ADAMTS3: variants seen among roughly 807,000 people sequenced by gnomAD.
The protein encoded by ADAMTS3 is ADAM metallopeptidase with thrombospondin type 1 motif 3, also known as A disintegrin and metalloproteinase with thrombospondin motifs 3.
Under a neutral mutation model 129.0 loss-of-function variants are expected in ADAMTS3, and 73 were observed. That is an observed-to-expected ratio of 0.57 (90% confidence interval 0.47 to 0.69). The LOEUF (loss-of-function observed/expected upper bound fraction) is 0.69, where lower values mean the gene tolerates loss of function less well. Ranked by LOEUF, ADAMTS3 falls within the 30% of genes least tolerant of loss-of-function variation. The pLI, the probability that ADAMTS3 is intolerant of heterozygous loss-of-function variation, is 0.00. For synonymous variants in ADAMTS3, 477 were observed against 510.8 expected, an observed-to-expected ratio of 0.93 and a Z score of 0.89; for missense variants, 1,457 against 1,514.5, an observed-to-expected ratio of 0.96 and a Z score of 0.63.
chr4:72,321,177 T>G (rs1719544775), intron 6 of ADAMTS3, among the ~76,000 whole-genome samples: 1 of 152,004 alleles, frequency 6.6e-6, no homozygotes, highest in Non-Finnish European at 1.5e-5. Context: ...ATGAGAATGG[T>G]TTTGTTTTGT....
At chr4:72,533,673 A>ATATGTATATATACATATATATT (rs1164175826) in intron 3 of ADAMTS3, among the ~76,000 whole-genome samples, 27 of 151,346 alleles carry the variant, frequency 1.8e-4, no homozygotes, top group South Asian at 2.1e-4. Flanking sequence ...GTATATGCAC[A>ATATGTATATATACATATATATT]TATATGCACA....
chr4:72,476,133 A>T (rs1719225361), intron 3 of ADAMTS3, among the ~76,000 whole-genome samples: 1 of 152,006 alleles, frequency 6.6e-6, no homozygotes, highest in Non-Finnish European at 1.5e-5. Flanking sequence ...TAAAGAGCTA[A>T]AATCAATAAA....
intron 3 of ADAMTS3, chr4:72,441,586 T>G (rs1040694937): frequency 6.6e-6 from 1 of 151,792 alleles, no homozygotes; most frequent in Non-Finnish European, 1.5e-5. Flanking sequence ...TGTGTCCTAC[T>G]GAAGAAATCT....
intron 3 of ADAMTS3, among the ~76,000 whole-genome samples, chr4:72,427,176 C>A (rs542821090): frequency 6.6e-6 from 1 of 152,094 alleles, no homozygotes; most frequent in African/African-American, 2.4e-5. Context: ...TTCAACCTAA[C>A]TTCTCACACA....
chr4:72,299,591 T>C (rs2109783234), intron 17 of ADAMTS3, among the ~76,000 whole-genome samples: 1 of 152,244 alleles, frequency 6.6e-6, no homozygotes, highest in African/African-American at 2.4e-5. Context: ...CCGGAACAGT[T>C]AGAACAATTG....
chr4:72,319,457 A>C lies in ADAMTS3; in HGVS notation c.1227T>G (p.Asp409Glu). 1 of 1,613,386 alleles carries C rather than the reference A, an allele frequency of 6.2e-7. No individual in the cohort carries two copies. Among genetic ancestry groups the C allele is most frequent in the Non-Finnish European group, 8.5e-7 (1 of 1,179,784 alleles). The stretch of plus-strand genomic sequence containing the variant: ...CATCACCACACCTGTTGCCTTGTCC[A>C]TCATGCTCCATTCCCAACCTAGAAC... Reference protein sequence around the residue: ...ETGHVLGMEHDGQGNRCGDET... With the variant: ...ETGHVLGMEHEGQGNRCGDET... Residue 409 changes from aspartate (D) to glutamate (E), a missense_variant, in exon 9 of 22, where the codon GAT becomes GAG. Transcript: ENST00000286657.
chr4:72,315,823 T>C (rs756495038), intron 11 of ADAMTS3, 35 bp downstream of exon 11: 9 of 1,327,514 alleles, frequency 6.8e-6, no homozygotes, highest in South Asian at 2.5e-5. Flanking sequence ...ATGCAACATA[T>C]CTTACATATT....
chr4:72,464,756 A>G (rs1056764574), intron 3 of ADAMTS3, among the ~76,000 whole-genome samples: 2 of 152,062 alleles, frequency 1.3e-5, no homozygotes, highest in Admixed American at 1.3e-4. Context: ...GTGTCTCTAC[A>G]AAGTAATGGA....
intron 3 of ADAMTS3, among the ~76,000 whole-genome samples, chr4:72,477,084 G>A (rs560816784): frequency 6.6e-6 from 1 of 152,106 alleles, no homozygotes; most frequent in African/African-American, 2.4e-5. Flanking sequence ...ATATTTAAGT[G>A]GTAAAAGACT....
intron 3 of ADAMTS3, among the ~76,000 whole-genome samples, chr4:72,489,291 G>A (rs1719674955): frequency 6.6e-6 from 1 of 151,924 alleles, no homozygotes; most frequent in African/African-American, 2.4e-5. Flanking sequence ...TTTATCTGCA[G>A]TGTTGCTTTC....
chr4:72,417,840 G>A (rs990491428), intron 3 of ADAMTS3, among the ~76,000 whole-genome samples: 11 of 147,420 alleles, frequency 7.5e-5, no homozygotes, highest in Non-Finnish European at 1.6e-4. Context: ...GGCTGAGGCA[G>A]GAGAATGGCG....
intron 4 of ADAMTS3, among the ~76,000 whole-genome samples, chr4:72,359,076 A>G (rs1720654877): frequency 6.6e-6 from 1 of 152,068 alleles, no homozygotes; most frequent in South Asian, 2.1e-4. Context: ...CTGCAATTTA[A>G]AAGTCGAGAG....
intron 5 of ADAMTS3, among the ~76,000 whole-genome samples, chr4:72,329,301 G>C (rs781133521): frequency 2.6e-5 from 4 of 152,154 alleles, no homozygotes; most frequent in Non-Finnish European, 5.9e-5. Flanking sequence ...TTAAGGATTG[G>C]GTACTATTTG....
rs142248748 is a variant in ADAMTS3 at position 72,440,158 on chromosome 4, T to C, written c.505-25187A>G. On this transcript the variant is annotated intron_variant, in intron 3 of 21. Coordinates refer to ENST00000286657, the MANE Select transcript of ADAMTS3 (RefSeq NM_014243.3). ...AATGGTGACAATTATATAATACTAA[T>C]TACACAAAAAAGTGTCAAAGTGGAC... Among the ~76,000 whole-genome samples, 1,076 of 151,908 alleles carry C rather than the reference T, an allele frequency of 7.1e-3. 9 individuals carry two copies. The highest frequency in any genetic ancestry group is 0.024 in the African/African-American group (1,016 of 41,532).
intron 2 of ADAMTS3, among the ~76,000 whole-genome samples, chr4:72,550,040 G>T (rs1393831033): frequency 1.1e-4 from 1 of 8,768 alleles, no homozygotes; most frequent in Non-Finnish European, 2.4e-4. Flanking sequence ...AGAAGAAGAA[G>T]AAGAGGAAGA....
At chr4:72,401,343 G>C (rs1463485678) in intron 4 of ADAMTS3, among the ~76,000 whole-genome samples, 1 of 151,698 alleles carries the variant, frequency 6.6e-6, no homozygotes, top group Non-Finnish European at 1.5e-5. Context: ...GAGGTGGGTG[G>C]ATCACCTGAG....
intron 4 of ADAMTS3, among the ~76,000 whole-genome samples, chr4:72,404,268 T>C (rs1721996830): frequency 6.6e-6 from 1 of 151,908 alleles, no homozygotes; most frequent in Non-Finnish European, 1.5e-5. Flanking sequence ...GACTTCAAAA[T>C]CTATAACCAA....
chr4:72,391,954 G>A (rs1446831079), intron 4 of ADAMTS3, among the ~76,000 whole-genome samples: 5 of 152,038 alleles, frequency 3.3e-5, no homozygotes, highest in South Asian at 2.1e-4. Context: ...ACCACCCCAC[G>A]CTATTTTTAC....
At chr4:72,301,865 C>T (rs957080363) in intron 17 of ADAMTS3, among the ~76,000 whole-genome samples, 1 of 151,924 alleles carries the variant, frequency 6.6e-6, no homozygotes, top group East Asian at 1.9e-4. Flanking sequence ...TAAAGAGGGG[C>T]CTGCTTAGAG....
Sources: gnomAD v4.1 joint callset for allele counts (sites outside exome capture counted in the v4.1 genomes callset) on GRCh38, gnomAD v4.1.1 for gene constraint, MANE v1.5 for transcripts, NCBI Gene and HGNC (gene_info 2026-07-23, HGNC 2026-07-21) for gene names.